The following KNTC1 variants were observed in gnomAD, a reference collection of about 807,000 sequenced individuals.
The protein encoded by KNTC1 is kinetochore-associated protein 1.
KNTC1 carries 253 observed loss-of-function variants against 314.4 expected under a neutral mutation model. That is an observed-to-expected ratio of 0.80 (90% confidence interval 0.73 to 0.89). KNTC1 has a LOEUF of 0.89. Ranked by LOEUF, KNTC1 falls within the 40% of genes least tolerant of loss-of-function variation. The probability of loss-of-function intolerance (pLI) is 0.00; values close to 1 mark genes in which losing one functional copy is unlikely to be tolerated. For synonymous variants in KNTC1, 901 were observed against 901.4 expected, an observed-to-expected ratio of 1.00 and a Z score of 0.01; for missense variants, 2,475 against 2,572.9, an observed-to-expected ratio of 0.96 and a Z score of 0.82.
intron 24 of KNTC1, among the ~76,000 whole-genome samples, chr12:122,571,889 T>C (rs919792822): frequency 2.0e-5 from 3 of 151,900 alleles, no homozygotes; most frequent in Non-Finnish European, 2.9e-5. Context: ...GTCAGACTGA[T>C]CTCAAATTCC....
chr12:122,573,126 T>G lies in KNTC1; in HGVS notation c.2140-16T>G, dbSNP rs1450374625. On this transcript the variant is annotated splice_polypyrimidine_tract_variant and intron_variant, in intron 25 of 63. Transcript: ENST00000333479. ...GGTAGAGTCTGTATTTATTCCATCT[T>G]TCTTTTGGCATCCAGGAAAATACAA... 6.2e-7 allele frequency: 1 copy of G among 1,613,804 alleles called. No individual in the cohort carries two copies. Among genetic ancestry groups the G allele is most frequent in the Admixed American group, 1.7e-5 (1 of 59,980 alleles).
intron 1 of KNTC1, among the ~76,000 whole-genome samples, chr12:122,529,175 A>T (rs1047485199): frequency 1.3e-5 from 2 of 152,076 alleles, no homozygotes; most frequent in African/African-American, 2.4e-5. Context: ...TAAATTAGAG[A>T]ATTGAGGAAC....
intron 44 of KNTC1, among the ~76,000 whole-genome samples, chr12:122,599,296 T>C (rs1871502598): frequency 6.6e-6 from 1 of 152,034 alleles, no homozygotes; most frequent in South Asian, 2.1e-4. Flanking sequence ...TCTGATCTTC[T>C]GAGAATTGGA....
Position 122,539,733 on chromosome 12 carries a change from G to A in KNTC1, c.424G>A (p.Glu142Lys). The A allele has an allele frequency of 6.4e-7, 1 of 1,573,236 alleles. No homozygotes were observed. The highest frequency in any genetic ancestry group is 2.3e-5 in the East Asian group (1 of 43,400). The change falls in exon 5 of 64, where the codon GAG (glutamate) becomes AAG (lysine). Residue 142 changes from glutamate to lysine, a missense_variant. Transcript: ENST00000333479. ...NRRTYQNLVIEKDGSNEGTYY... is the reference protein window; with the variant it reads ...NRRTYQNLVIKKDGSNEGTYY... ...GCGGACTTACCAGAATCTTGTCATT[G>A]AGAAGGATGGTTCAAATGAAGGTAA...
chr12:122,581,979 G>A lies in KNTC1; in HGVS notation c.2983-726G>A, dbSNP rs974766333. ...AATAACTCCCCTTTCCTCTCTTCTC[G>A]CAGCCCCTGGTTATCTCTACTTTCT... On this transcript the variant is annotated intron_variant, in intron 33 of 63. Coordinates refer to ENST00000333479, the MANE Select transcript of KNTC1 (RefSeq NM_014708.6). Among the ~76,000 whole-genome samples, 5 of 152,014 alleles carry A rather than the reference G, an allele frequency of 3.3e-5. No individual in the cohort carries two copies. In the South Asian group the frequency reaches 1.0e-3, roughly 32 times the overall value.
In KNTC1 at chr12:122,613,452, T is replaced by G. The variant is rs2270773; in HGVS notation, c.5742-174T>G. 4.2e-5 allele frequency: 28 copies of G among 670,118 alleles called. No homozygotes were observed. The East Asian group carries it at 7.9e-4, about 19-fold the overall frequency. 41.5% of individuals were successfully genotyped at this position (670,118 alleles called of 1,614,324 possible). Reference sequence around the variant, plus strand: ...GACATTTAGAAACTGAATGTTTTATTTATCTTGTTCAAATTGATTTCTATC... The same window carrying G: ...GACATTTAGAAACTGAATGTTTTATGTATCTTGTTCAAATTGATTTCTATC... On this transcript the variant is annotated intron_variant, in intron 54 of 63. Coordinates refer to ENST00000333479, the MANE Select transcript of KNTC1 (RefSeq NM_014708.6).
At chr12:122,584,516 G>T in intron 35 of KNTC1, 66 bp downstream of exon 35, 2 of 1,249,720 alleles carry the variant, frequency 1.6e-6, no homozygotes, top group African/African-American at 1.5e-5. Context: ...TCTCCCAAAT[G>T]CTGTCTCTTT....
At chr12:122,590,819 T>TAC (rs1279404714) in intron 41 of KNTC1, 84 bp downstream of exon 41, 28 of 1,332,064 alleles carry the variant, frequency 2.1e-5, no homozygotes, top group Non-Finnish European at 2.9e-5. Flanking sequence ...CCACCTGTTC[T>TAC]TAAAGATTTA....
At chr12:122,562,079 T>C in intron 19 of KNTC1, 105 bp downstream of exon 19, 2 of 1,123,700 alleles carry the variant, frequency 1.8e-6, no homozygotes, top group Non-Finnish European at 2.6e-6. Flanking sequence ...GTTATTTCAA[T>C]ACCTTACTTT....
chr12:122,557,713 G>GT (rs755303915), intron 18 of KNTC1, 24 bp downstream of exon 18: 8 of 1,550,762 alleles, frequency 5.2e-6, no homozygotes, highest in Middle Eastern at 1.7e-4. Context: ...TTTGTATTTT[G>GT]TTTTTTTGGG....
At chr12:122,544,057 A>AG in intron 7 of KNTC1, 102 bp from the exon 8 acceptor site, 1 of 547,678 alleles carries the variant, frequency 1.8e-6, no homozygotes, top group Non-Finnish European at 3.1e-6. Flanking sequence ...CTCCAAAAAA[A>AG]AAAAAAAAAA....
chr12:122,536,313 C>T (rs1961824382), intron 3 of KNTC1, among the ~76,000 whole-genome samples: 2 of 150,902 alleles, frequency 1.3e-5, no homozygotes, highest in South Asian at 4.2e-4. Context: ...CTGCAACCTC[C>T]GCCTCCAGGG....
In KNTC1 at chr12:122,620,392, C is replaced by T. The variant is rs1395857604; in HGVS notation, c.6150-87C>T. On this transcript the variant is annotated intron_variant, in intron 59 of 63. Coordinates refer to ENST00000333479, the MANE Select transcript of KNTC1 (RefSeq NM_014708.6). Reference sequence around the variant, plus strand: ...TGTTTAAAATTATTGAAAACTTGGACAGGCAGATGACTATGGAAAGCTAGA... The same window carrying T: ...TGTTTAAAATTATTGAAAACTTGGATAGGCAGATGACTATGGAAAGCTAGA... 4 of 1,239,536 alleles carry T rather than the reference C, an allele frequency of 3.2e-6. No individual in the cohort carries two copies. The African/African-American group carries it at 6.0e-5, about 19-fold the overall frequency. 76.8% of individuals were successfully genotyped at this position (1,239,536 alleles called of 1,614,324 possible).
intron 16 of KNTC1, among the ~76,000 whole-genome samples, chr12:122,554,076 A>AAAAAAAAAAAAATATATAT (rs370146333): frequency 9.2e-6 from 1 of 109,064 alleles, no homozygotes; most frequent in African/African-American, 3.9e-5. Context: ...AAAAAAAAAA[A>AAAAAAAAAAAAATATATAT]ATATATATAT....
intron 5 of KNTC1, among the ~76,000 whole-genome samples, chr12:122,540,889 G>A (rs1962251337): frequency 1.3e-5 from 2 of 152,170 alleles, no homozygotes; most frequent in African/African-American, 2.4e-5. Context: ...TAAATGAGCA[G>A]GCTGTGTGTG....
intron 53 of KNTC1, among the ~76,000 whole-genome samples, chr12:122,612,450 T>A (rs1364016956): frequency 1.3e-5 from 2 of 148,624 alleles, no homozygotes; most frequent in Non-Finnish European, 3.0e-5. Flanking sequence ...AGAGTCTCAC[T>A]CTGTTGCCCA....
intron 51 of KNTC1, among the ~76,000 whole-genome samples, chr12:122,607,988 T>A (rs1173276319): frequency 6.6e-6 from 1 of 152,212 alleles, no homozygotes; most frequent in East Asian, 1.9e-4. Context: ...AGATCTTCTG[T>A]ATCATTTCTT....
intron 55 of KNTC1, 35 bp from the exon 56 acceptor site, chr12:122,614,956 G>A: frequency 6.8e-7 from 1 of 1,480,404 alleles, no homozygotes; most frequent in Non-Finnish European, 9.4e-7. Context: ...CTGGTGTCTT[G>A]GAATAGCATG....
intron 5 of KNTC1, among the ~76,000 whole-genome samples, chr12:122,540,819 C>T (rs1962247953): frequency 6.6e-6 from 1 of 152,022 alleles, no homozygotes; most frequent in Non-Finnish European, 1.5e-5. Flanking sequence ...AAATAACCTA[C>T]TAGTTCTTTG....
Sources: gnomAD v4.1 joint callset for allele counts (sites outside exome capture counted in the v4.1 genomes callset) on GRCh38, gnomAD v4.1.1 for gene constraint, MANE v1.5 for transcripts, NCBI Gene and HGNC (gene_info 2026-07-23, HGNC 2026-07-21) for gene names.